Variants in AOAH observed in about 807,000 individuals in gnomAD.
AOAH encodes the protein acyloxyacyl hydrolase, also known as acyloxyacyl hydrolase (neutrophil).
In AOAH, 64 loss-of-function variants were observed where a neutral mutation model predicts 92.2. The ratio of observed to expected loss-of-function variants is 0.69; its 90% CI spans 0.57 to 0.86. The LOEUF is 0.86. Among genes scored for constraint, AOAH ranks in the 40% least tolerant of loss-of-function variants. The pLI is 0.00. For synonymous variants in AOAH, 263 were observed against 254.5 expected, an observed-to-expected ratio of 1.03 and a Z score of -0.32; for missense variants, 656 against 694.6, an observed-to-expected ratio of 0.94 and a Z score of 0.62.
chr7:36,628,229 T>C (rs1792815966), intron 6 of AOAH, among the ~76,000 whole-genome samples: 1 of 152,184 alleles, frequency 6.6e-6, no homozygotes. Flanking sequence ...CACATATTTA[T>C]GTGAAATAAT....
chr7:36,574,322 A>AT (rs1788340211), intron 13 of AOAH, among the ~76,000 whole-genome samples: 1 of 152,184 alleles, frequency 6.6e-6, no homozygotes, highest in South Asian at 2.1e-4. Flanking sequence ...CTTCGAGCAC[A>AT]TTTTGACACG....
At chr7:36,549,693 A>G (rs1786056313) in intron 13 of AOAH, among the ~76,000 whole-genome samples, 1 of 152,212 alleles carries the variant, frequency 6.6e-6, no homozygotes, top group Non-Finnish European at 1.5e-5. Context: ...ATTTAGCAGT[A>G]TATTAACAAA....
chr7:36,560,876 T>A (rs1583822028), intron 13 of AOAH, among the ~76,000 whole-genome samples: 1 of 152,294 alleles, frequency 6.6e-6, no homozygotes, highest in East Asian at 1.9e-4. Flanking sequence ...TTAGGAGTAA[T>A]CAGTCCATTT....
chr7:36,653,052 A>G (rs1029072534), intron 4 of AOAH, among the ~76,000 whole-genome samples: 1 of 152,240 alleles, frequency 6.6e-6, no homozygotes, highest in Admixed American at 6.5e-5. Context: ...TTGGGTGAAC[A>G]GTATACTCTC....
intron 13 of AOAH, among the ~76,000 whole-genome samples, chr7:36,571,224 A>C (rs2116586694): frequency 6.6e-6 from 1 of 152,304 alleles, no homozygotes; most frequent in South Asian, 2.1e-4. Flanking sequence ...GAGACAGTTC[A>C]GGGTCCACTT....
chr7:36,657,627 A>C (rs1794968021), intron 4 of AOAH, among the ~76,000 whole-genome samples: 1 of 152,208 alleles, frequency 6.6e-6, no homozygotes, highest in African/African-American at 2.4e-5. Context: ...AGGAAAGTGA[A>C]GGGGGCTGTC....
At chr7:36,601,633 A>G (rs183552094) in intron 11 of AOAH, among the ~76,000 whole-genome samples, 21 of 152,360 alleles carry the variant, frequency 1.4e-4, no homozygotes, top group Admixed American at 2.6e-4. Flanking sequence ...AAGATAATCT[A>G]TGCATGACGT....
At chr7:36,558,311 A>C (rs530373320) in intron 13 of AOAH, among the ~76,000 whole-genome samples, 1 of 152,260 alleles carries the variant, frequency 6.6e-6, no homozygotes, top group East Asian at 1.9e-4. Context: ...ATTTTCGTGA[A>C]TGGTGGATGC....
At chr7:36,569,664 G>T (rs1787988986) in intron 13 of AOAH, among the ~76,000 whole-genome samples, 1 of 151,840 alleles carries the variant, frequency 6.6e-6, no homozygotes, top group Non-Finnish European at 1.5e-5. Context: ...AGGCCAGAGT[G>T]CAATGGCATA....
chr7:36,692,094 T>C (rs1307268552), intron 1 of AOAH, among the ~76,000 whole-genome samples: 1 of 152,198 alleles, frequency 6.6e-6, no homozygotes, highest in Non-Finnish European at 1.5e-5. Flanking sequence ...TCATAAATGA[T>C]GGTTGTGTAA....
At chr7:36,626,162 AAGAC>A (rs1664213165) in intron 6 of AOAH, among the ~76,000 whole-genome samples, 1 of 152,182 alleles carries the variant, frequency 6.6e-6, no homozygotes. Context: ...GCAAGAGACA[AAGAC>A]AGACAGATCA....
intron 13 of AOAH, among the ~76,000 whole-genome samples, chr7:36,550,829 G>T (rs1254815381): frequency 3.9e-5 from 6 of 152,086 alleles, no homozygotes; most frequent in Non-Finnish European, 5.9e-5. Context: ...TTTTACCGGA[G>T]ACCCAGGTAT....
At chr7:36,602,159 C>T (rs889917240) in intron 11 of AOAH, among the ~76,000 whole-genome samples, 3 of 152,154 alleles carry the variant, frequency 2.0e-5, no homozygotes, top group Non-Finnish European at 4.4e-5. Flanking sequence ...ATAAAAAATT[C>T]TAGCAAAATA....
rs1457493867 is a variant in AOAH at position 36,614,500 on chromosome 7, G to A, written c.846+1880C>T. Among the ~76,000 whole-genome samples the A allele has an allele frequency of 6.6e-6, 1 of 152,156 alleles. No homozygotes were observed. Among genetic ancestry groups the A allele is most frequent in the East Asian group, 1.9e-4 (1 of 5,188 alleles). On this transcript the variant is annotated intron_variant, in intron 11 of 20. Transcript: ENST00000617537. The surrounding 1 kb of genome is among the most constrained non-coding windows in gnomAD (Gnocchi z 4.2). ...GGGCCAACTGAGCATGTGTGAGCGAGGGGACTGGAAACGGGGTCGACTCTG... is the reference window on the plus strand; with the variant it reads ...GGGCCAACTGAGCATGTGTGAGCGAAGGGACTGGAAACGGGGTCGACTCTG...
At chr7:36,613,922 G>GGAT (rs1791666172) in intron 11 of AOAH, among the ~76,000 whole-genome samples, 1 of 152,216 alleles carries the variant, frequency 6.6e-6, no homozygotes, top group Non-Finnish European at 1.5e-5. Context: ...TTCCCCACTT[G>GGAT]CTCATCTTTA....
At chr7:36,558,773 C>G (rs1177571972) in intron 13 of AOAH, among the ~76,000 whole-genome samples, 3 of 152,266 alleles carry the variant, frequency 2.0e-5, no homozygotes, top group African/African-American at 4.8e-5. Context: ...ATAGGACCCT[C>G]TGAGCCATGT....
intron 19 of AOAH, among the ~76,000 whole-genome samples, chr7:36,529,590 G>A (rs1223794193): frequency 6.6e-6 from 1 of 152,154 alleles, no homozygotes; most frequent in African/African-American, 2.4e-5. Context: ...GGGGGCACTG[G>A]GGGTGGGGGA....
intron 19 of AOAH, among the ~76,000 whole-genome samples, chr7:36,523,330 C>T (rs1377897694): frequency 6.6e-6 from 1 of 152,174 alleles, no homozygotes; most frequent in Non-Finnish European, 1.5e-5. Context: ...AAATTGAGGA[C>T]ACTGTTCACT....
intron 16 of AOAH, among the ~76,000 whole-genome samples, chr7:36,536,015 G>T (rs1785033071): frequency 6.6e-6 from 1 of 152,216 alleles, no homozygotes; most frequent in Non-Finnish European, 1.5e-5. Flanking sequence ...TTGGCAGCCA[G>T]CGACGGACTG....
Sources: allele counts gnomAD v4.1 joint callset (sites outside exome capture counted in the v4.1 genomes callset), GRCh38; gene constraint gnomAD v4.1.1; non-coding constraint Gnocchi (gnomAD v3.1); transcripts MANE v1.5; gene names NCBI Gene and HGNC (gene_info 2026-07-23, HGNC 2026-07-21).